The following CNGB1 variants were observed in gnomAD, a reference collection of about 807,000 sequenced individuals.
CNGB1 encodes cyclic nucleotide gated channel subunit beta 1.
In CNGB1, 126 loss-of-function variants were observed where a neutral mutation model predicts 151.7. The observed-to-expected ratio is 0.83, with a 90% CI of 0.72 to 0.96. The LOEUF is 0.96. Ranked by LOEUF, CNGB1 falls within the 40% of genes least tolerant of loss-of-function variation. The pLI is 0.00. For missense variants in CNGB1, 1,698 were observed against 1,627.0 expected (o/e 1.04, Z -0.75); for synonymous variants, 623 against 635.1 (o/e 0.98, Z 0.29).
chr16:57,954,805 C>A (rs1237984423), intron 12 of CNGB1: 1 of 990,096 alleles, frequency 1.0e-6, no homozygotes, highest in Non-Finnish European at 1.2e-6. Flanking sequence ...AAACTGTATC[C>A]TGTCGAGGTG....
At chr16:57,962,503 A>G in intron 7 of CNGB1, 62 bp downstream of exon 7, 1 of 1,485,798 alleles carries the variant, frequency 6.7e-7, no homozygotes, top group Non-Finnish European at 9.4e-7. Context: ...TCCTGAAACC[A>G]AGGACCTGTT....
intron 16 of CNGB1, among the ~76,000 whole-genome samples, chr16:57,935,638 A>G (rs1261431940): frequency 2.0e-5 from 3 of 151,572 alleles, no homozygotes; most frequent in African/African-American, 7.3e-5. Flanking sequence ...ACAGAGCAAG[A>G]CTCCGTCCCC....
At chr16:57,895,157 T>C (rs1362739754) in intron 31 of CNGB1, among the ~76,000 whole-genome samples, 1 of 152,138 alleles carries the variant, frequency 6.6e-6, no homozygotes, top group Non-Finnish European at 1.5e-5. Flanking sequence ...AATTCTAATA[T>C]GTGGTGGCAG....
intron 17 of CNGB1, among the ~76,000 whole-genome samples, chr16:57,928,784 T>C (rs1351375104): frequency 6.6e-6 from 1 of 152,198 alleles, no homozygotes; most frequent in East Asian, 1.9e-4. Context: ...ACTATAGGCA[T>C]GTGCCACCAT....
rs527236060 is a variant in CNGB1, at chr16:57,964,482, C to T, written c.217+5G>A. On this transcript the variant is annotated splice_donor_5th_base_variant and intron_variant, in intron 3 of 32. Transcript: ENST00000251102. ...GCCAGCCTGGGCTTCAGCACTCGCA[C>T]TCACCCTGAGGGCTTGGGTCTGCCA... 4.3e-6 allele frequency: 7 copies of T among 1,613,946 alleles called. No homozygotes were observed. The highest frequency in any genetic ancestry group is 5.9e-6 in the Non-Finnish European group (7 of 1,180,032).
chr16:57,911,935 C>T, intron 24 of CNGB1, 60 bp from the exon 25 acceptor site: 4 of 1,604,244 alleles, frequency 2.5e-6, no homozygotes, highest in African/African-American at 1.3e-5. Flanking sequence ...GGTATAGACA[C>T]CTGGACAGTG....
intron 17 of CNGB1, among the ~76,000 whole-genome samples, chr16:57,931,420 G>A (rs546988037): frequency 2.2e-4 from 34 of 152,234 alleles, no homozygotes; most frequent in Non-Finnish European, 4.0e-4. Context: ...CTCGCAAAGC[G>A]CTGGCATTAC....
intron 29 of CNGB1, among the ~76,000 whole-genome samples, chr16:57,898,831 G>A (rs1960307173): frequency 6.6e-6 from 1 of 152,210 alleles, no homozygotes; most frequent in African/African-American, 2.4e-5. Flanking sequence ...GTTCATGGTT[G>A]TTATGGGTTG....
At chr16:57,908,963 G>A (rs1362939813) in intron 25 of CNGB1, among the ~76,000 whole-genome samples, 2 of 152,190 alleles carry the variant, frequency 1.3e-5, no homozygotes, top group Non-Finnish European at 2.9e-5. Context: ...GCAGGGGAGC[G>A]AGTGTCGCCT....
chr16:57,894,685 C>T (rs1258479445), intron 31 of CNGB1, among the ~76,000 whole-genome samples: 3 of 152,146 alleles, frequency 2.0e-5, no homozygotes, highest in East Asian at 3.9e-4. Flanking sequence ...ATTGATGCAA[C>T]GAGCCACGTA....
chr16:57,969,923 T>A (rs1962497729), intron 1 of CNGB1, among the ~76,000 whole-genome samples: 1 of 151,742 alleles, frequency 6.6e-6, no homozygotes, highest in Non-Finnish European at 1.5e-5. Context: ...TGGCAGAGAG[T>A]CTGTATGCCC....
At chr16:57,941,557 C>T (rs1758739495) in intron 14 of CNGB1, among the ~76,000 whole-genome samples, 1 of 152,198 alleles carries the variant, frequency 6.6e-6, no homozygotes, top group South Asian at 2.1e-4. Context: ...CTCCAAATTA[C>T]CTTGAGAAAT....
chr16:57,917,647 CACAT>C (rs1222534530), intron 20 of CNGB1, among the ~76,000 whole-genome samples, 171 bp from the exon 21 acceptor site: 4 of 147,838 alleles, frequency 2.7e-5, no homozygotes, highest in Non-Finnish European at 4.5e-5. Context: ...CACACACACA[CACAT>C]ACACACACAC....
chr16:57,949,129 T>TG (rs1334071835), intron 14 of CNGB1, among the ~76,000 whole-genome samples: 1 of 148,188 alleles, frequency 6.7e-6, no homozygotes, highest in Admixed American at 6.7e-5. Context: ...CATTCTAGTG[T>TG]GTGTGGGGGG....
chr16:57,940,421 G>A, intron 14 of CNGB1, 100 bp from the exon 15 acceptor site: 2 of 1,199,808 alleles, frequency 1.7e-6, no homozygotes, highest in Non-Finnish European at 2.4e-6. Flanking sequence ...CAGGAGCGGA[G>A]GGTACAGAGA....
In CNGB1 at chr16:57,921,517, C is replaced by T. The variant is rs187945962; in HGVS notation, c.1644-973G>A. Among the ~76,000 whole-genome samples, 41 of 152,220 alleles carry T rather than the reference C, an allele frequency of 2.7e-4. No homozygotes were observed. In the East Asian group the frequency reaches 5.0e-3, roughly 19 times the overall value. ...GATTGCAGGCGTGAGACACCGTGCCCGGCCAAGTGTGGGGCTCCTAATGAG... is the reference window on the plus strand; with the variant it reads ...GATTGCAGGCGTGAGACACCGTGCCTGGCCAAGTGTGGGGCTCCTAATGAG... On this transcript the variant is annotated intron_variant, in intron 18 of 32. Coordinates refer to ENST00000251102, the MANE Select transcript of CNGB1 (RefSeq NM_001297.5).
chr16:57,894,985 G>A (rs180846588), intron 31 of CNGB1, among the ~76,000 whole-genome samples: 12 of 152,150 alleles, frequency 7.9e-5, no homozygotes, highest in Admixed American at 2.6e-4. Context: ...ATATATACTC[G>A]GGCTAAACAC....
At position 57,901,489 on chromosome 16, in the gene CNGB1, C is replaced by T. The variant is rs183753369; in HGVS notation, c.2892+39G>A. The T allele has an allele frequency of 4.0e-5, 65 of 1,612,242 alleles. No individual in the cohort carries two copies. The African/African-American group carries it at 7.5e-4, about 19-fold the overall frequency. ...TTTTAGAGAAGATTGGGCTTGGAGCCTCCCACAGCCCTGAGCGTGAGGGCA... is the reference window on the plus strand; with the variant it reads ...TTTTAGAGAAGATTGGGCTTGGAGCTTCCCACAGCCCTGAGCGTGAGGGCA... On this transcript the variant is annotated intron_variant, in intron 28 of 32. Coordinates refer to ENST00000251102, the MANE Select transcript of CNGB1 (RefSeq NM_001297.5).
intron 31 of CNGB1, among the ~76,000 whole-genome samples, chr16:57,893,090 C>A (rs982599497): frequency 5.3e-5 from 8 of 152,182 alleles, no homozygotes; most frequent in Admixed American, 5.2e-4. Flanking sequence ...TTTCTTCCCT[C>A]TATTATGACA....
Sources: allele counts gnomAD v4.1 joint callset (sites outside exome capture counted in the v4.1 genomes callset), GRCh38; gene constraint gnomAD v4.1.1; transcripts MANE v1.5; gene names NCBI Gene and HGNC (gene_info 2026-07-23, HGNC 2026-07-21).